CACNA2D3: variants seen among roughly 807,000 people sequenced by gnomAD.
CACNA2D3 encodes voltage-dependent calcium channel subunit alpha-2/delta-3.
In CACNA2D3, 60 loss-of-function variants were observed where a neutral mutation model predicts 160.6. That is an observed-to-expected ratio of 0.37 (90% CI 0.30 to 0.46). CACNA2D3 has a LOEUF of 0.46. Ranked by LOEUF, CACNA2D3 falls within the 20% of genes least tolerant of loss-of-function variation. The probability of loss-of-function intolerance (pLI) is 1.00; values close to 1 mark genes in which losing one functional copy is unlikely to be tolerated. For missense variants in CACNA2D3, 1,205 were observed against 1,365.0 expected (o/e 0.88, Z 1.85); for synonymous variants, 558 against 492.9 (o/e 1.13, Z -1.75).
chr3:54,635,671 G>A (rs1054169305), intron 10 of CACNA2D3, among the ~76,000 whole-genome samples: 1 of 151,826 alleles, frequency 6.6e-6, no homozygotes, highest in Non-Finnish European at 1.5e-5. Context: ...CCTTTTTGGT[G>A]GCTGAGCTTG....
At position 54,353,885 on chromosome 3, in the gene CACNA2D3, G is replaced by A. The variant is rs1193116433; in HGVS notation, c.322-32830G>A. ...GCCCCTCAGGGTGATGCTTGGTTCT[G>A]TACTAAGGAGAACTATTCTTCCGTT... On this transcript the variant is annotated intron_variant, in intron 3 of 37. Coordinates refer to ENST00000474759, the MANE Select transcript of CACNA2D3 (RefSeq NM_018398.3). Among the ~76,000 whole-genome samples, 61 of 152,162 alleles carry A rather than the reference G, an allele frequency of 4.0e-4. 1 individual carries two copies. Among genetic ancestry groups the A allele is most frequent in the Non-Finnish European group, 1.5e-5 (1 of 68,020 alleles).
intron 4 of CACNA2D3, among the ~76,000 whole-genome samples, chr3:54,440,987 T>G (rs1361573211): frequency 6.6e-6 from 1 of 152,132 alleles, no homozygotes; most frequent in East Asian, 1.9e-4. Flanking sequence ...TTTATAGTCC[T>G]TTGGGTAAAT....
chr3:54,325,670 A>G (rs1193275369), intron 3 of CACNA2D3, among the ~76,000 whole-genome samples: 1 of 152,228 alleles, frequency 6.6e-6, no homozygotes, highest in East Asian at 1.9e-4. Context: ...CTGTTGTGGT[A>G]GCGTTTCAAG....
chr3:54,783,430 A>T (rs1559580348), intron 13 of CACNA2D3, among the ~76,000 whole-genome samples: 1 of 151,852 alleles, frequency 6.6e-6, no homozygotes, highest in Non-Finnish European at 1.5e-5. Flanking sequence ...ACATGGCGAA[A>T]CCCCATCTCT....
intron 3 of CACNA2D3, among the ~76,000 whole-genome samples, chr3:54,330,210 ATGTG>A (rs10591706): frequency 0.036 from 5,315 of 146,618 alleles, 222 homozygotes; most frequent in African/African-American, 0.11. Flanking sequence ...TTTAATTGAT[ATGTG>A]TGTGTGTGTG....
At chr3:54,545,657 A>G (rs115976269) in intron 5 of CACNA2D3, among the ~76,000 whole-genome samples, 1,560 of 152,284 alleles carry the variant, frequency 0.01, 17 homozygotes, top group Middle Eastern at 0.02. Context: ...TTGTACAACA[A>G]TATGGTATGG....
intron 9 of CACNA2D3, among the ~76,000 whole-genome samples, chr3:54,586,973 G>A (rs915314769): frequency 6.6e-6 from 1 of 151,936 alleles, no homozygotes; most frequent in Non-Finnish European, 1.5e-5. Context: ...AAATCTGAAT[G>A]AAAACAAAGA....
chr3:54,709,571 A>G (rs1175467255), intron 11 of CACNA2D3, among the ~76,000 whole-genome samples: 1 of 151,972 alleles, frequency 6.6e-6, no homozygotes, highest in East Asian at 1.9e-4. Flanking sequence ...TATGTTACCT[A>G]GACTTGTCTC....
chr3:54,964,507 A>G (rs1372145043), intron 27 of CACNA2D3, among the ~76,000 whole-genome samples: 1 of 152,196 alleles, frequency 6.6e-6, no homozygotes. Flanking sequence ...ACTTAAATCA[A>G]TATACTGTTA....
chr3:54,943,229 A>T (rs1271086912), intron 27 of CACNA2D3, among the ~76,000 whole-genome samples: 1 of 151,746 alleles, frequency 6.6e-6, no homozygotes, highest in East Asian at 1.9e-4. Context: ...GAGAATAATA[A>T]CAATGTTTTT....
intron 5 of CACNA2D3, among the ~76,000 whole-genome samples, chr3:54,530,906 A>G (rs958691887): frequency 2.0e-5 from 3 of 152,204 alleles, no homozygotes; most frequent in African/African-American, 7.2e-5. Flanking sequence ...CACTGGCACC[A>G]CTGAGACCGG....
At chr3:54,880,332 G>C (rs1373842578) in intron 20 of CACNA2D3, among the ~76,000 whole-genome samples, 1 of 152,216 alleles carries the variant, frequency 6.6e-6, no homozygotes, top group Non-Finnish European at 1.5e-5. Context: ...AAAGAAGCCT[G>C]CAACACAGTA....
intron 2 of CACNA2D3, among the ~76,000 whole-genome samples, chr3:54,318,816 C>G (rs1218525404): frequency 6.6e-6 from 1 of 151,280 alleles, no homozygotes; most frequent in Non-Finnish European, 1.5e-5. Flanking sequence ...CACTTCAGCT[C>G]ACCAAGCAGT....
chr3:54,765,832 A>C (rs1364913053), intron 13 of CACNA2D3, among the ~76,000 whole-genome samples: 1 of 152,208 alleles, frequency 6.6e-6, no homozygotes, highest in Non-Finnish European at 1.5e-5. Context: ...GGGATTTAGT[A>C]TATAATAGAG....
intron 32 of CACNA2D3, among the ~76,000 whole-genome samples, chr3:55,005,518 G>T (rs559983399): frequency 6.6e-6 from 1 of 152,158 alleles, no homozygotes; most frequent in East Asian, 1.9e-4. Context: ...GTGAGCTTTT[G>T]CCCTAATTCC....
chr3:54,608,912 G>C (rs1198761577), intron 9 of CACNA2D3, among the ~76,000 whole-genome samples: 1 of 152,186 alleles, frequency 6.6e-6, no homozygotes, highest in Non-Finnish European at 1.5e-5. Context: ...GTGATCTGGA[G>C]TCTGATACTT....
In CACNA2D3 at chr3:54,803,275, A is replaced by G. The variant is rs993724286; in HGVS notation, c.1381-13578A>G. ...TCAAACTACTCCGAGCTACAGGAGGAAATTCAAACCAAAGGCAAAGAAGTT... is the reference window on the plus strand; with the variant it reads ...TCAAACTACTCCGAGCTACAGGAGGGAATTCAAACCAAAGGCAAAGAAGTT... On this transcript the variant is annotated intron_variant, in intron 13 of 37. Coordinates refer to ENST00000474759, the MANE Select transcript of CACNA2D3 (RefSeq NM_018398.3). Among the ~76,000 whole-genome samples, 3 of 152,230 alleles carry G rather than the reference A, an allele frequency of 2.0e-5. No individual in the cohort carries two copies. The South Asian group carries it at 6.2e-4, about 32-fold the overall frequency.
At chr3:54,808,996 A>G (rs1040521018) in intron 13 of CACNA2D3, among the ~76,000 whole-genome samples, 4 of 152,174 alleles carry the variant, frequency 2.6e-5, no homozygotes, top group Non-Finnish European at 4.4e-5. Flanking sequence ...CTCAATATGC[A>G]TTAGCTCGTT....
At chr3:54,297,995 C>T (rs1176488209) in intron 2 of CACNA2D3, among the ~76,000 whole-genome samples, 1 of 152,230 alleles carries the variant, frequency 6.6e-6, no homozygotes, top group Non-Finnish European at 1.5e-5. Flanking sequence ...TTTAACAAAG[C>T]ACCTCGGGAG....
Sources: gnomAD v4.1 joint callset for allele counts (sites outside exome capture counted in the v4.1 genomes callset) on GRCh38, gnomAD v4.1.1 for gene constraint, MANE v1.5 for transcripts, NCBI Gene and HGNC (gene_info 2026-07-23, HGNC 2026-07-21) for gene names.